IFT140: variants seen among roughly 807,000 people sequenced by gnomAD.
The protein encoded by IFT140 is intraflagellar transport 140.
A neutral mutation model predicts 164.6 loss-of-function variants in IFT140; 133 were observed. That is an observed-to-expected ratio of 0.81 (90% CI 0.70 to 0.93). IFT140 has a LOEUF of 0.93. Among genes scored for constraint, IFT140 ranks in the 40% least tolerant of loss-of-function variants. The pLI is 0.00. For synonymous variants in IFT140, 860 were observed against 817.3 expected, an observed-to-expected ratio of 1.05 and a Z score of -0.89; for missense variants, 2,045 against 1,972.3, an observed-to-expected ratio of 1.04 and a Z score of -0.70.
Position 1,533,962 on chromosome 16 carries a change from G to T in IFT140, c.2400-7166C>A. 1 of 421,524 alleles carries T rather than the reference G, an allele frequency of 2.4e-6. No individual in the cohort carries two copies. The highest frequency in any genetic ancestry group is 4.2e-6 in the Non-Finnish European group (1 of 236,524). 26.1% of individuals were successfully genotyped at this position (421,524 alleles called of 1,614,324 possible). On this transcript the variant is annotated intron_variant, in intron 19 of 30. Coordinates refer to ENST00000426508, the MANE Select transcript of IFT140 (RefSeq NM_014714.4). This position sits in a 1 kb window ranked among gnomAD's most constrained non-coding sequence, Gnocchi z 4.7. ...AGAAGAGGCACGCGCGGCACAGGCC[G>T]GCCTCCGCTTCCCGGGAAGACGGCG...
At chr16:1,568,910 C>T (rs946282726) in intron 14 of IFT140, among the ~76,000 whole-genome samples, 5 of 152,172 alleles carry the variant, frequency 3.3e-5, no homozygotes, top group African/African-American at 1.2e-4. Flanking sequence ...CATAGGGACA[C>T]ACTGAGCTAT....
chr16:1,592,168 T>A lies in IFT140; in HGVS notation c.634+8A>T, dbSNP rs757928467. On this transcript the variant is annotated splice_region_variant and intron_variant, in intron 6 of 30. Coordinates refer to ENST00000426508, the MANE Select transcript of IFT140 (RefSeq NM_014714.4). ...GGACCCCTGAGAATCACAACCAAAG[T>A]TCCTCACCGTCCATCAGACTGACAA... The A allele has an allele frequency of 6.2e-7, 1 of 1,613,708 alleles. No individual in the cohort carries two copies. The highest frequency in any genetic ancestry group is 8.5e-7 in the Non-Finnish European group (1 of 1,179,876).
intron 6 of IFT140, 121 bp from the exon 7 acceptor site, chr16:1,589,901 A>C (rs907415325): frequency 1.9e-5 from 18 of 925,604 alleles, no homozygotes; most frequent in Admixed American, 1.6e-4. Context: ...CTTCAGTATA[A>C]GAACTTAAAA....
At chr16:1,583,952 C>G (rs1266830705) in intron 11 of IFT140, among the ~76,000 whole-genome samples, 1 of 152,200 alleles carries the variant, frequency 6.6e-6, no homozygotes, top group Non-Finnish European at 1.5e-5. Context: ...CCAGGCTGGT[C>G]TCGAACTCCT....
chr16:1,513,018 C>A (rs1165726112), intron 30 of IFT140: 1 of 152,188 alleles, frequency 6.6e-6, no homozygotes, highest in East Asian at 1.9e-4. Flanking sequence ...GCGAGCCCGA[C>A]ACGGTCGCCA....
At chr16:1,590,976 G>T (rs1164751673) in intron 6 of IFT140, among the ~76,000 whole-genome samples, 5 of 152,148 alleles carry the variant, frequency 3.3e-5, no homozygotes, top group African/African-American at 9.7e-5. Flanking sequence ...GGTGAATTGT[G>T]ACACCAACTA....
chr16:1,534,291 C>T (rs370718011), intron 19 of IFT140: 12 of 1,612,196 alleles, frequency 7.4e-6, no homozygotes, highest in African/African-American at 6.7e-5. Flanking sequence ...CGTGCAGAGA[C>T]TCGTGGCCGC....
chr16:1,604,374 C>A, intron 3 of IFT140: 1 of 150,828 alleles, frequency 6.6e-6, no homozygotes, highest in Non-Finnish European at 1.5e-5. Flanking sequence ...AGGATTAATG[C>A]ATTAATTACA....
intron 14 of IFT140, among the ~76,000 whole-genome samples, chr16:1,569,930 A>G (rs561319807): frequency 1.3e-5 from 2 of 151,756 alleles, no homozygotes; most frequent in Non-Finnish European, 2.9e-5. Context: ...GACTACAGGC[A>G]TGAGCCACCG....
rs2040588125 is a variant in IFT140, at chr16:1,523,653, C to T, written c.3318G>A (p.Gln1106=). 6.2e-7 allele frequency: 1 copy of T among 1,613,850 alleles called. No individual in the cohort carries two copies. The highest frequency in any genetic ancestry group is 8.5e-7 in the Non-Finnish European group (1 of 1,180,012). Residue 1106 remains glutamine, a synonymous_variant, in exon 26 of 31, where the codon CAG becomes CAA. Coordinates refer to ENST00000426508, the MANE Select transcript of IFT140 (RefSeq NM_014714.4). Reference sequence around the variant, plus strand: ...CTGCTATGAGCTGTAGGGCCACAAACTGCTGGGTGGCAAAGGCCAGCTCCA... The same window carrying T: ...CTGCTATGAGCTGTAGGGCCACAAATTGCTGGGTGGCAAAGGCCAGCTCCA... ...KALELAFATQ[Q]FVALQLIAED...
chr16:1,568,344 G>A lies in IFT140; in HGVS notation c.1653-10C>T. ...GTGTGCTTTGGCCTCTCTGCAGGGA[G>A]GAAGAGGGACCTCAGTGCCCGCCAG... is the stretch of plus-strand genomic sequence containing the variant. On this transcript the variant is annotated splice_polypyrimidine_tract_variant and intron_variant, in intron 14 of 30. Coordinates refer to ENST00000426508, the MANE Select transcript of IFT140 (RefSeq NM_014714.4). The A allele has an allele frequency of 1.9e-6, 3 of 1,608,596 alleles. No individual in the cohort carries two copies. The highest frequency in any genetic ancestry group is 2.6e-6 in the Non-Finnish European group (3 of 1,175,812).
chr16:1,531,967 T>G lies in IFT140; in HGVS notation c.2400-5171A>C, dbSNP rs1469790491. 1 of 152,224 alleles carries G rather than the reference T, an allele frequency of 6.6e-6. No individual in the cohort carries two copies. Among genetic ancestry groups the G allele is most frequent in the Non-Finnish European group, 1.5e-5 (1 of 68,042 alleles). 9.4% of individuals were successfully genotyped at this position (152,224 alleles called of 1,614,324 possible). On this transcript the variant is annotated intron_variant, in intron 19 of 30. Coordinates refer to ENST00000426508, the MANE Select transcript of IFT140 (RefSeq NM_014714.4). This position sits in a 1 kb window ranked among gnomAD's most constrained non-coding sequence, Gnocchi z 4.7. ...AGCCATTTGAAGACTCCCGAAAGAT[T>G]AATGGTTTAGTTAATTAAGGAGGAA...
Position 1,510,967 on chromosome 16 carries a change from C to T in IFT140, c.4366G>A (p.Glu1456Lys), listed in dbSNP as rs1386131080. ...CCTCAGGGGTCGTCATCTGCCTCTT[C>T]CACCACCTCCTCGTCCAGCTCCCTG... ...DARELDEEVVEEADDDP is the reference protein window; with the variant it reads ...DARELDEEVVKEADDDP Residue 1456 changes from glutamate (E) to lysine (K), a missense_variant, in exon 31 of 31, where the codon GAA becomes AAA. Transcript: ENST00000426508. 1.2e-6 allele frequency: 2 copies of T among 1,612,252 alleles called. No individual in the cohort carries two copies. The highest frequency in any genetic ancestry group is 3.3e-5 in the Admixed American group (2 of 59,874).
chr16:1,554,350 C>CA (rs1674310150), intron 19 of IFT140, among the ~76,000 whole-genome samples: 1 of 152,222 alleles, frequency 6.6e-6, no homozygotes. Context: ...TTACAAAAGT[C>CA]AGAGATGGAT....
Position 1,557,962 on chromosome 16 carries a change from G to C in IFT140, c.2372C>G (p.Ala791Gly), listed in dbSNP as rs758544371. 1.9e-5 allele frequency: 30 copies of C among 1,613,658 alleles called. No individual in the cohort carries two copies. The highest frequency in any genetic ancestry group is 1.7e-4 in the Middle Eastern group (1 of 5,752). ...FFVTIGDMDE[A>G]FKSIKLIKSE... is the part of the protein sequence containing the mutation. The stretch of plus-strand genomic sequence containing the variant: ...TTTGATGAGCTTGATGGATTTGAAG[G>C]CTTCGTCCATGTCTCCTATGGTGAC... Residue 791 changes from alanine (A) to glycine (G), a missense_variant, in exon 19 of 31, where the codon GCC (alanine) becomes GGC (glycine). Physicochemically the swap from Ala to Gly is moderately conservative, Grantham distance 60. Coordinates refer to ENST00000426508, the MANE Select transcript of IFT140 (RefSeq NM_014714.4).
chr16:1,571,113 G>A (rs113408816), intron 14 of IFT140, among the ~76,000 whole-genome samples: 8 of 152,218 alleles, frequency 5.3e-5, no homozygotes, highest in Non-Finnish European at 7.4e-5. Flanking sequence ...ACCATAAAGC[G>A]CTATGATTTC....
At chr16:1,557,609 T>G in intron 19 of IFT140, 1 of 266,514 alleles carries the variant, frequency 3.8e-6, no homozygotes, top group South Asian at 7.9e-5. Flanking sequence ...CTGGCTGTTT[T>G]TAGTGTTTAC....
intron 19 of IFT140, chr16:1,555,276 C>A: frequency 2.0e-6 from 1 of 502,814 alleles, no homozygotes; most frequent in East Asian, 3.6e-5. Flanking sequence ...TCCACGACCA[C>A]ACGCACTTCA....
In IFT140 at chr16:1,564,109, AAGTGGTT is replaced by A; in HGVS notation, c.1948_1954del (p.Asn650SerfsTer42). The stretch of plus-strand genomic sequence containing the variant: ...CAGCCGGGGCTCACTCTGGTCCCAG[AAGTGGTT>A]CACGGGAACATAATTTTTCAGTCCC... On this transcript the variant is annotated frameshift_variant, in exon 17 of 31. Transcript: ENST00000426508. LOFTEE classifies it high-confidence loss of function. This position sits in a 1 kb window ranked among gnomAD's most constrained non-coding sequence, Gnocchi z 5.5. The A allele has an allele frequency of 6.3e-7, 1 of 1,598,386 alleles. No homozygotes were observed. Among genetic ancestry groups the A allele is most frequent in the South Asian group, 1.1e-5 (1 of 90,252 alleles).
Sources: gnomAD v4.1 joint callset for allele counts (sites outside exome capture counted in the v4.1 genomes callset) on GRCh38, gnomAD v4.1.1 for gene constraint, Gnocchi (gnomAD v3.1) non-coding constraint, MANE v1.5 for transcripts, NCBI Gene and HGNC (gene_info 2026-07-23, HGNC 2026-07-21) for gene names.